FAF1: variants seen among roughly 807,000 people sequenced by gnomAD.
FAF1 encodes FAS-associated factor 1.
In FAF1, 25 loss-of-function variants were observed where a neutral mutation model predicts 92.5. The ratio of observed to expected loss-of-function variants is 0.27; its 90% CI spans 0.20 to 0.38. The LOEUF is 0.38. FAF1 is among the 10% of genes least tolerant of loss of function. The pLI, the probability that FAF1 is intolerant of heterozygous loss-of-function variation, is 1.00. For synonymous variants in FAF1, 234 were observed against 273.2 expected (o/e 0.86, Z 1.42); for missense variants, 636 against 793.3 (o/e 0.80, Z 2.38).
chr1:50,498,551 T>C (rs1646929510), intron 15 of FAF1, among the ~76,000 whole-genome samples: 1 of 151,948 alleles, frequency 6.6e-6, no homozygotes, highest in Non-Finnish European at 1.5e-5. Context: ...ACAAAGAAAC[T>C]AAACAAGCTA....
chr1:50,824,174 A>C (rs1482224660), intron 2 of FAF1, among the ~76,000 whole-genome samples: 1 of 152,170 alleles, frequency 6.6e-6, no homozygotes, highest in Non-Finnish European at 1.5e-5. Context: ...TAACAAGCTA[A>C]ATACAATAAC....
At chr1:50,672,222 T>C (rs1655923036) in intron 7 of FAF1, among the ~76,000 whole-genome samples, 2 of 152,056 alleles carry the variant, frequency 1.3e-5, no homozygotes, top group Middle Eastern at 3.4e-3. Flanking sequence ...TTTTTTTGTA[T>C]TTTTAGTAGA....
At position 50,559,175 on chromosome 1, in the gene FAF1, C is replaced by G. The variant is rs192732868; in HGVS notation, c.1268+7902G>C. On this transcript the variant is annotated intron_variant, in intron 13 of 18. Transcript: ENST00000396153. ...CTAAGACAGGAGAATTGCTTGAACC[C>G]AGGAGGTGGAGTTTGCAGTGAGCCA... Among the ~76,000 whole-genome samples the G allele has an allele frequency of 8.7e-3, 1,327 of 151,768 alleles. 6 individuals carry two copies. The highest frequency in any genetic ancestry group is 0.014 in the Non-Finnish European group (922 of 67,982).
intron 4 of FAF1, among the ~76,000 whole-genome samples, chr1:50,763,874 T>C (rs1660457069): frequency 1.3e-5 from 2 of 152,210 alleles, no homozygotes; most frequent in African/African-American, 4.8e-5. Context: ...GAAACCACCA[T>C]TTCCCAAATT....
rs765175512 is a variant in FAF1, at chr1:50,744,781, T to A, written c.368-6A>T. 4 of 1,530,622 alleles carry A rather than the reference T, an allele frequency of 2.6e-6. No individual in the cohort carries two copies. The South Asian group carries it at 4.7e-5, about 18-fold the overall frequency. The allele number at this position is 1,530,622 out of a possible 1,614,324, so 94.8% of individuals were successfully genotyped here. Reference sequence around the variant, plus strand: ...TAGAATCTGTTTAATCTCTCCTGTATAAATAAGAAGAGATCAAATATTACT... The same window carrying A: ...TAGAATCTGTTTAATCTCTCCTGTAAAAATAAGAAGAGATCAAATATTACT... On this transcript the variant is annotated splice_region_variant and splice_polypyrimidine_tract_variant and intron_variant, in intron 4 of 18. Coordinates refer to ENST00000396153, the MANE Select transcript of FAF1 (RefSeq NM_007051.3).
Position 50,458,465 on chromosome 1 carries a change from A to G in FAF1, c.1870-16942T>C, listed in dbSNP as rs1454116698. Among the ~76,000 whole-genome samples, 3 of 152,174 alleles carry G rather than the reference A, an allele frequency of 2.0e-5. No individual in the cohort carries two copies. In the East Asian group the frequency reaches 5.8e-4, roughly 29 times the overall value. ...CTGGCATACAATAGGCACAAAAAGAAATAGCTATATTCATTGTCATCGCTC... is the reference window on the plus strand; with the variant it reads ...CTGGCATACAATAGGCACAAAAAGAGATAGCTATATTCATTGTCATCGCTC... On this transcript the variant is annotated intron_variant, in intron 18 of 18. Coordinates refer to ENST00000396153, the MANE Select transcript of FAF1 (RefSeq NM_007051.3).
intron 1 of FAF1, among the ~76,000 whole-genome samples, chr1:50,886,737 A>C (rs370625145): frequency 3.1e-4 from 47 of 152,288 alleles, no homozygotes; most frequent in African/African-American, 1.1e-3. Flanking sequence ...CATAGTATTC[A>C]ATGGTGTATA....
At chr1:50,848,642 C>T (rs536086404) in intron 2 of FAF1, among the ~76,000 whole-genome samples, 3 of 152,316 alleles carry the variant, frequency 2.0e-5, no homozygotes, top group South Asian at 4.1e-4. Context: ...CACATATTGA[C>T]ATCATATACC....
Position 50,919,260 on chromosome 1 carries a change from A to G in FAF1, c.45+40507T>C, listed in dbSNP as rs1324595619. The stretch of plus-strand genomic sequence containing the variant: ...ATTTCTCACCAACAGATCTGCATAT[A>G]AAAAACAGTAACGGTTTTCATGCTG... On this transcript the variant is annotated intron_variant, in intron 1 of 18. Coordinates refer to ENST00000396153, the MANE Select transcript of FAF1 (RefSeq NM_007051.3). Among the ~76,000 whole-genome samples, 3 of 152,192 alleles carry G rather than the reference A, an allele frequency of 2.0e-5. No homozygotes were observed. The East Asian group carries it at 5.8e-4, about 29-fold the overall frequency.
At chr1:50,783,747 T>C (rs1661264141) in intron 4 of FAF1, among the ~76,000 whole-genome samples, 1 of 152,032 alleles carries the variant, frequency 6.6e-6, no homozygotes, top group Non-Finnish European at 1.5e-5. Flanking sequence ...GGTGGCTGTG[T>C]GCCTGTAATC....
intron 15 of FAF1, among the ~76,000 whole-genome samples, chr1:50,511,519 T>C (rs1424133444): frequency 6.6e-6 from 1 of 152,108 alleles, no homozygotes; most frequent in African/African-American, 2.4e-5. Context: ...GTTCCTCTGT[T>C]AGTTTGCTGA....
At chr1:50,611,794 G>A (rs1652697800) in intron 8 of FAF1, among the ~76,000 whole-genome samples, 1 of 152,134 alleles carries the variant, frequency 6.6e-6, no homozygotes, top group South Asian at 2.1e-4. Flanking sequence ...CTTGGTCAGA[G>A]TTAACAGGAA....
intron 2 of FAF1, among the ~76,000 whole-genome samples, chr1:50,848,470 T>C (rs974112739): frequency 6.6e-6 from 1 of 152,188 alleles, no homozygotes; most frequent in Admixed American, 6.5e-5. Context: ...AATAAAAAAT[T>C]CATTGGCAAA....
intron 2 of FAF1, among the ~76,000 whole-genome samples, chr1:50,848,600 C>G (rs756808171): frequency 1.4e-4 from 22 of 152,208 alleles, no homozygotes; most frequent in Non-Finnish European, 2.4e-4. Context: ...GCTATCTTAA[C>G]CACATGTCAA....
At chr1:50,683,860 A>C (rs964882531) in intron 7 of FAF1, among the ~76,000 whole-genome samples, 9 of 150,756 alleles carry the variant, frequency 6.0e-5, no homozygotes, top group East Asian at 2.0e-4. Flanking sequence ...TGAACCTAGG[A>C]GGCGGAGGTT....
At chr1:50,659,587 C>T (rs1394724529) in intron 7 of FAF1, among the ~76,000 whole-genome samples, 2 of 152,052 alleles carry the variant, frequency 1.3e-5, no homozygotes, top group Non-Finnish European at 2.9e-5. Context: ...TTTTGTCTTA[C>T]ACATTTTTTT....
intron 15 of FAF1, among the ~76,000 whole-genome samples, chr1:50,523,556 A>G (rs1442032785): frequency 6.6e-6 from 1 of 152,280 alleles, no homozygotes; most frequent in East Asian, 1.9e-4. Context: ...GGTCATCTGT[A>G]TATCTTTGAA....
intron 2 of FAF1, among the ~76,000 whole-genome samples, chr1:50,819,715 A>G (rs1342405960): frequency 7.1e-5 from 2 of 28,070 alleles, no homozygotes; most frequent in African/African-American, 2.3e-4. Flanking sequence ...ATATATATAT[A>G]CGTATATATA....
At chr1:50,615,010 C>T (rs1652846511) in intron 8 of FAF1, among the ~76,000 whole-genome samples, 1 of 151,974 alleles carries the variant, frequency 6.6e-6, no homozygotes, top group South Asian at 2.1e-4. Context: ...AGCATACTAC[C>T]CAATAGGTAG....
Sources: gnomAD v4.1 joint callset for allele counts (sites outside exome capture counted in the v4.1 genomes callset) on GRCh38, gnomAD v4.1.1 for gene constraint, MANE v1.5 for transcripts, NCBI Gene and HGNC (gene_info 2026-07-23, HGNC 2026-07-21) for gene names.